NKAIN2: variants seen among roughly 807,000 people sequenced by gnomAD.
The protein encoded by NKAIN2 is sodium/potassium-transporting ATPase subunit beta-1-interacting protein 2.
In NKAIN2, 14 loss-of-function variants were observed where a neutral mutation model predicts 32.6. The ratio of observed to expected loss-of-function variants is 0.43; its 90% CI spans 0.28 to 0.67. The LOEUF is 0.67. Ranked by LOEUF, NKAIN2 falls within the 30% of genes least tolerant of loss-of-function variation. NKAIN2 has a pLI of 0.17. For missense variants in NKAIN2, 198 were observed against 258.3 expected, an observed-to-expected ratio of 0.77 and a Z score of 1.60; for synonymous variants, 80 against 87.2, an observed-to-expected ratio of 0.92 and a Z score of 0.46.
chr6:124,702,905 T>C (rs942696043), intron 4 of NKAIN2, among the ~76,000 whole-genome samples: 1 of 152,060 alleles, frequency 6.6e-6, no homozygotes, highest in African/African-American at 2.4e-5. Context: ...AAATATATGG[T>C]TTCATAAAGT....
chr6:124,132,031 C>T (rs1786506025), intron 1 of NKAIN2, among the ~76,000 whole-genome samples: 1 of 152,150 alleles, frequency 6.6e-6, no homozygotes, highest in Admixed American at 6.6e-5. Context: ...GGTTTGAGTT[C>T]TGCCTGCAGG....
At chr6:124,479,140 A>T (rs1244138088) in intron 3 of NKAIN2, among the ~76,000 whole-genome samples, 2 of 152,174 alleles carry the variant, frequency 1.3e-5, no homozygotes, top group Admixed American at 1.3e-4. Flanking sequence ...CTGAGAAATT[A>T]TCATAGTTTA....
chr6:124,509,252 A>G (rs913783798), intron 3 of NKAIN2, among the ~76,000 whole-genome samples: 3 of 152,204 alleles, frequency 2.0e-5, no homozygotes, highest in Admixed American at 2.0e-4. Context: ...TTAAGATTCA[A>G]GAGACTATGC....
intron 3 of NKAIN2, among the ~76,000 whole-genome samples, chr6:124,366,839 G>C (rs529703563): frequency 7.9e-5 from 12 of 151,058 alleles, no homozygotes; most frequent in Non-Finnish European, 1.8e-4. Context: ...GAGGTGGGAG[G>C]ATCACTTAAG....
At chr6:124,397,701 C>A in intron 3 of NKAIN2, among the ~76,000 whole-genome samples, 1 of 151,890 alleles carries the variant, frequency 6.6e-6, no homozygotes, top group African/African-American at 2.4e-5. Context: ...GGAAATTTGT[C>A]CTTATCCATA....
At chr6:124,298,920 A>G (rs1796177295) in intron 2 of NKAIN2, among the ~76,000 whole-genome samples, 1 of 152,234 alleles carries the variant, frequency 6.6e-6, no homozygotes, top group Non-Finnish European at 1.5e-5. Context: ...GGATCTCTCC[A>G]CAGTAACCAT....
rs528628760 is a variant in NKAIN2, at chr6:123,831,848, G to A, written c.54+27594G>A. On this transcript the variant is annotated intron_variant, in intron 1 of 6. Transcript: ENST00000368417. ...TTTTTGTATTTTTAGTAGAGACGGG[G>A]TTTCACCGTGTTAGCCAGGATGGTC... is the stretch of plus-strand genomic sequence containing the variant. Among the ~76,000 whole-genome samples the A allele has an allele frequency of 3.6e-3, 547 of 152,110 alleles. 5 individuals carry two copies. Among genetic ancestry groups the A allele is most frequent in the African/African-American group, 0.013 (525 of 41,484 alleles).
intron 1 of NKAIN2, among the ~76,000 whole-genome samples, chr6:124,067,097 C>T (rs866493760): frequency 2.6e-5 from 4 of 152,066 alleles, no homozygotes; most frequent in Non-Finnish European, 4.4e-5. Flanking sequence ...AGATTTTAAA[C>T]CTGTTTTCGT....
intron 1 of NKAIN2, among the ~76,000 whole-genome samples, chr6:124,102,532 C>G (rs1326917659): frequency 6.6e-6 from 1 of 152,130 alleles, no homozygotes; most frequent in Non-Finnish European, 1.5e-5. Flanking sequence ...GTTGCGATAA[C>G]AGTACAAGGC....
intron 3 of NKAIN2, among the ~76,000 whole-genome samples, chr6:124,616,465 T>C (rs1583526332): frequency 5.8e-4 from 9 of 15,628 alleles, no homozygotes; most frequent in Non-Finnish European, 9.2e-4. Context: ...TTTTTTTTTT[T>C]TTTTTTTTTT....
chr6:124,135,330 C>A (rs139124640), intron 1 of NKAIN2, among the ~76,000 whole-genome samples: 7 of 151,628 alleles, frequency 4.6e-5, no homozygotes, highest in Middle Eastern at 3.4e-3. Flanking sequence ...AGATACAGAA[C>A]GGCAGATGGA....
chr6:124,757,843 T>C (rs1241968226), intron 4 of NKAIN2, among the ~76,000 whole-genome samples: 1 of 152,150 alleles, frequency 6.6e-6, no homozygotes, highest in Non-Finnish European at 1.5e-5. Flanking sequence ...TGGGCTCAAA[T>C]AGGAAAGTCA....
chr6:124,647,190 G>T (rs1784204905), intron 3 of NKAIN2, among the ~76,000 whole-genome samples: 1 of 151,820 alleles, frequency 6.6e-6, no homozygotes, highest in South Asian at 2.1e-4. Context: ...AAGAAGTGAA[G>T]AAAGTAATAT....
At chr6:124,315,512 A>G (rs913007818) in intron 2 of NKAIN2, among the ~76,000 whole-genome samples, 4 of 152,194 alleles carry the variant, frequency 2.6e-5, no homozygotes, top group Non-Finnish European at 4.4e-5. Context: ...TTATTCATGG[A>G]TCAAAAGTTG....
intron 3 of NKAIN2, among the ~76,000 whole-genome samples, chr6:124,561,642 A>G (rs1780696219): frequency 6.6e-6 from 1 of 152,126 alleles, no homozygotes; most frequent in South Asian, 2.1e-4. Flanking sequence ...TATAACTGGA[A>G]AAAGAAGAGT....
chr6:123,959,246 T>G (rs1222415977), intron 1 of NKAIN2, among the ~76,000 whole-genome samples: 1 of 152,180 alleles, frequency 6.6e-6, no homozygotes, highest in Non-Finnish European at 1.5e-5. Flanking sequence ...TGCTGTGGTC[T>G]AAAGAGTGAA....
In NKAIN2 at chr6:124,481,521, A is replaced by C. The variant is rs954432688; in HGVS notation, c.273+126174A>C. ...CACTTTAATCTATGACAGTATTACC[A>C]TTCTCTGCCTGCTAATACATCCATT... On this transcript the variant is annotated intron_variant, in intron 3 of 6. Transcript: ENST00000368417. 3.9e-5 allele frequency among the ~76,000 whole-genome samples: 6 copies of C among 152,306 alleles called. No homozygotes were observed. In the East Asian group the frequency reaches 1.2e-3, roughly 29 times the overall value.
At chr6:124,523,128 G>T (rs1417717533) in intron 3 of NKAIN2, among the ~76,000 whole-genome samples, 4 of 22,552 alleles carry the variant, frequency 1.8e-4, no homozygotes, top group Non-Finnish European at 9.0e-4. Context: ...GGGCGACAGA[G>T]CGAGACTCCG....
At chr6:123,809,746 A>C (rs187726239) in intron 1 of NKAIN2, among the ~76,000 whole-genome samples, 2 of 152,144 alleles carry the variant, frequency 1.3e-5, no homozygotes, top group Non-Finnish European at 2.9e-5. Flanking sequence ...TAAAACAGGC[A>C]GTGGGTCTAG....
Sources: allele counts gnomAD v4.1 joint callset (sites outside exome capture counted in the v4.1 genomes callset), GRCh38; gene constraint gnomAD v4.1.1; transcripts MANE v1.5; gene names NCBI Gene and HGNC (gene_info 2026-07-23, HGNC 2026-07-21).